NFIL3: variants seen among roughly 807,000 people sequenced by gnomAD.
The protein encoded by NFIL3 is nuclear factor, interleukin 3 regulated, also known as nuclear factor interleukin-3-regulated protein.
In NFIL3, 5 loss-of-function variants were observed where a neutral mutation model predicts 10.0. The observed-to-expected ratio is 0.50, with a 90% CI of 0.26 to 1.06. NFIL3 has a LOEUF of 1.06. Ranked by LOEUF, NFIL3 falls within the 50% of genes least tolerant of loss-of-function variation. The pLI, the probability that NFIL3 is intolerant of heterozygous loss-of-function variation, is 0.13. For synonymous variants in NFIL3, 202 were observed against 206.5 expected, an observed-to-expected ratio of 0.98 and a Z score of 0.19; for missense variants, 436 against 547.6, an observed-to-expected ratio of 0.80 and a Z score of 2.03.
At chr9:91,483,196 T>C in the NFIL3 span, among the ~76,000 whole-genome samples, 1 of 152,174 alleles carries the variant, frequency 6.6e-6, no homozygotes, top group African/African-American at 2.4e-5. Context: ...GAAGCTGCAG[T>C]CTTCCCTTCT....
the NFIL3 span, among the ~76,000 whole-genome samples, chr9:91,455,049 A>T: frequency 6.6e-6 from 1 of 152,140 alleles, no homozygotes; most frequent in Admixed American, 6.5e-5. Flanking sequence ...GCTTTATCTA[A>T]TGTTTTCTTA....
chr9:91,482,577 A>G, the NFIL3 span, among the ~76,000 whole-genome samples: 2 of 150,968 alleles, frequency 1.3e-5, no homozygotes, highest in South Asian at 2.1e-4. Flanking sequence ...TTGGCTCACT[A>G]TAATCTCTGC....
chr9:91,471,871 C>G, the NFIL3 span, among the ~76,000 whole-genome samples: 14 of 152,140 alleles, frequency 9.2e-5, no homozygotes, highest in African/African-American at 3.4e-4. Flanking sequence ...TTAGTGCTTC[C>G]TTCAGGAGCT....
rs1181112222 is a variant in NFIL3 at position 91,410,918 on chromosome 9, GAA to G, written c.-172-14_-172-13del. The stretch of plus-strand genomic sequence containing the variant: ...GCCTCCTTCGTTATCTGCAATACAT[GAA>G]TAAAAAAAAAACCAGTTATTCACTG... On this transcript the variant is annotated splice_polypyrimidine_tract_variant and intron_variant, in intron 1 of 1. Transcript: ENST00000297689. This position sits in a 1 kb window ranked among gnomAD's most constrained non-coding sequence, Gnocchi z 5.7. 2.0e-6 allele frequency: 1 copy of G among 511,128 alleles called. No homozygotes were observed. Among genetic ancestry groups the G allele is most frequent in the Non-Finnish European group, 3.4e-6 (1 of 289,912 alleles). 31.7% of individuals were successfully genotyped at this position (511,128 alleles called of 1,614,324 possible). A position where few individuals can be genotyped will look rare whatever the true frequency, so the allele number is the denominator to read the frequency against.
At chr9:91,448,071 G>A in the NFIL3 span, among the ~76,000 whole-genome samples, 1 of 152,062 alleles carries the variant, frequency 6.6e-6, no homozygotes, top group Non-Finnish European at 1.5e-5. Flanking sequence ...ACCTATTAAA[G>A]AGAATATTCT....
At chr9:91,483,141 G>A in the NFIL3 span, among the ~76,000 whole-genome samples, 2 of 152,064 alleles carry the variant, frequency 1.3e-5, no homozygotes, top group African/African-American at 2.4e-5. Context: ...GGCCATATAA[G>A]TCACCTTCAG....
upstream of NFIL3, among the ~76,000 whole-genome samples, chr9:91,427,665 G>A (rs1454957981): frequency 6.6e-6 from 1 of 151,772 alleles, no homozygotes; most frequent in African/African-American, 2.4e-5. Flanking sequence ...TTTGAGACAG[G>A]GTCTTGCTCT....
the NFIL3 span, among the ~76,000 whole-genome samples, chr9:91,430,132 T>A: frequency 6.6e-6 from 1 of 152,312 alleles, no homozygotes; most frequent in African/African-American, 2.4e-5. Context: ...AACCAAATAC[T>A]TGTGCCTGTG....
Position 91,423,551 on chromosome 9 carries a change from C to T in NFIL3, c.-173+89G>A, listed in dbSNP as rs375591859. On this transcript the variant is annotated intron_variant, in intron 1 of 1. Coordinates refer to ENST00000297689, the MANE Select transcript of NFIL3 (RefSeq NM_005384.3). ...TTACAGCCCGACCCCGCACACAGCGCGGCCCGCACCCCGCGCCCGCCCGCC... is the reference window on the plus strand; with the variant it reads ...TTACAGCCCGACCCCGCACACAGCGTGGCCCGCACCCCGCGCCCGCCCGCC... 6.1e-4 allele frequency: 92 copies of T among 149,770 alleles called. 1 individual carries two copies. The East Asian group carries it at 0.016, about 25-fold the overall frequency. The allele number at this position is 149,770 out of a possible 1,614,324, so 9.3% of individuals were successfully genotyped here. A position where few individuals can be genotyped will look rare whatever the true frequency, so the allele number is the denominator to read the frequency against.
At chr9:91,473,870 A>G in the NFIL3 span, among the ~76,000 whole-genome samples, 1 of 152,240 alleles carries the variant, frequency 6.6e-6, no homozygotes, top group Non-Finnish European at 1.5e-5. Flanking sequence ...GAGATTTTCT[A>G]AATAGACAAT....
At chr9:91,458,566 T>A in the NFIL3 span, among the ~76,000 whole-genome samples, 1 of 152,146 alleles carries the variant, frequency 6.6e-6, no homozygotes, top group Admixed American at 6.5e-5. Flanking sequence ...TTATCCATTT[T>A]TTTTATCATC....
At chr9:91,471,307 C>T in the NFIL3 span, among the ~76,000 whole-genome samples, 1 of 150,678 alleles carries the variant, frequency 6.6e-6, no homozygotes, top group East Asian at 1.9e-4. Flanking sequence ...GGTTTAAAGT[C>T]TGTTTTATCA....
At chr9:91,464,028 T>C in the NFIL3 span, among the ~76,000 whole-genome samples, 22 of 152,238 alleles carry the variant, frequency 1.4e-4, no homozygotes, top group East Asian at 1.5e-3. Context: ...TTAACATATT[T>C]GCATCTTTAT....
At chr9:91,412,098 C>CAAA (rs56891881) in intron 1 of NFIL3, among the ~76,000 whole-genome samples, 20 of 76,810 alleles carry the variant, frequency 2.6e-4, no homozygotes, top group East Asian at 4.1e-4. Context: ...AAGACTCTGT[C>CAAA]AAAAAAAAAA....
At chr9:91,460,727 G>C in the NFIL3 span, among the ~76,000 whole-genome samples, 2 of 152,150 alleles carry the variant, frequency 1.3e-5, no homozygotes, top group Non-Finnish European at 2.9e-5. Flanking sequence ...TGCACATTTA[G>C]AGCCTAGCAA....
the NFIL3 span, among the ~76,000 whole-genome samples, chr9:91,451,908 T>C: frequency 0.031 from 4,690 of 152,310 alleles, 99 homozygotes; most frequent in East Asian, 0.093. Flanking sequence ...GTCTAAATTG[T>C]TAGCTTGCAA....
At chr9:91,447,965 A>G in the NFIL3 span, among the ~76,000 whole-genome samples, 1 of 152,322 alleles carries the variant, frequency 6.6e-6, no homozygotes, top group African/African-American at 2.4e-5. Flanking sequence ...TTTATGGTTT[A>G]GCTCTCATAA....
the NFIL3 span, among the ~76,000 whole-genome samples, chr9:91,476,963 G>C: frequency 1.3e-5 from 2 of 152,282 alleles, no homozygotes; most frequent in Non-Finnish European, 2.9e-5. Flanking sequence ...AAAGGGAAGA[G>C]CAAAACTCTA....
At chr9:91,423,159 T>G (rs1031803251) in intron 1 of NFIL3, among the ~76,000 whole-genome samples, 3 of 151,978 alleles carry the variant, frequency 2.0e-5, no homozygotes, top group Non-Finnish European at 2.9e-5. Context: ...CTACCAACCC[T>G]TTTTCTCACC....
Sources: gnomAD v4.1 joint callset for allele counts (sites outside exome capture counted in the v4.1 genomes callset) on GRCh38, gnomAD v4.1.1 for gene constraint, Gnocchi (gnomAD v3.1) non-coding constraint, MANE v1.5 for transcripts, NCBI Gene and HGNC (gene_info 2026-07-23, HGNC 2026-07-21) for gene names.